DHX35: variants seen among roughly 807,000 people sequenced by gnomAD.
The protein encoded by DHX35 is DEAH-box helicase 35.
In DHX35, 84 loss-of-function variants were observed where a neutral mutation model predicts 99.6. The ratio of observed to expected loss-of-function variants is 0.84; its 90% confidence interval spans 0.71 to 1.01. DHX35 has a LOEUF of 1.01. Among genes scored for constraint, DHX35 ranks in the 50% least tolerant of loss-of-function variants. The pLI, the probability that DHX35 is intolerant of heterozygous loss-of-function variation, is 0.00. For synonymous variants in DHX35, 331 were observed against 316.2 expected (o/e 1.05, Z -0.50); for missense variants, 852 against 888.5 (o/e 0.96, Z 0.52).
chr20:38,978,198 TGTTAC>T lies in DHX35; in HGVS notation c.268-5500_268-5496del, dbSNP rs1208566640. On this transcript the variant is annotated intron_variant, in intron 3 of 21. Coordinates refer to ENST00000252011, the MANE Select transcript of DHX35 (RefSeq NM_021931.4). ...GTACAGACATTTTCAAAGTTGCCAG[TGTTAC>T]TTTAATTGGACTGCCTTCGTAATTC... The T allele has an allele frequency of 1.3e-5, 14 of 1,048,132 alleles. No individual in the cohort carries two copies. The African/African-American group carries it at 2.2e-4, about 16-fold the overall frequency. The allele number at this position is 1,048,132 out of a possible 1,614,324, so 64.9% of individuals were successfully genotyped here.
At position 39,018,834 on chromosome 20, in the gene DHX35, C is replaced by A. The variant is rs762505424; in HGVS notation, c.1433C>A (p.Pro478Gln). ...GLDKDCRLTE[P>Q]LGMRIAEFPL... ...GACAAAGACTGTCGCCTAACTGAAC[C>A]GCTTGGCATGAGAATTGCAGAGTTT... is the stretch of plus-strand genomic sequence containing the variant. The change falls in exon 15 of 22, where the codon CCG (proline) becomes CAG (glutamine). Residue 478 changes from proline (P) to glutamine (Q), a missense_variant. Physicochemically the swap from Pro to Gln is moderately conservative, Grantham distance 76. Coordinates refer to ENST00000252011, the MANE Select transcript of DHX35 (RefSeq NM_021931.4). The A allele has an allele frequency of 6.2e-7, 1 of 1,613,866 alleles. No individual in the cohort carries two copies. The highest frequency in any genetic ancestry group is 2.2e-5 in the East Asian group (1 of 44,868).
intron 9 of DHX35, 113 bp from the exon 10 acceptor site, chr20:39,002,659 A>G: frequency 3.9e-6 from 3 of 775,128 alleles, no homozygotes; most frequent in East Asian, 2.7e-5. Context: ...CTAATTACCT[A>G]CTGGGCAGGC....
intron 1 of DHX35, among the ~76,000 whole-genome samples, 186 bp from the exon 2 acceptor site, chr20:38,968,895 G>C (rs2085950307): frequency 6.6e-6 from 1 of 152,206 alleles, no homozygotes; most frequent in Non-Finnish European, 1.5e-5. Flanking sequence ...TTTTAGGGAA[G>C]ATTTTTAGTT....
chr20:39,015,661 CT>C lies in DHX35; in HGVS notation c.1402+736del, dbSNP rs1218180854. Among the ~76,000 whole-genome samples, 4 of 151,046 alleles carry C rather than the reference CT, an allele frequency of 2.6e-5. No homozygotes were observed. In the East Asian group the frequency reaches 5.8e-4, roughly 22 times the overall value. The stretch of plus-strand genomic sequence containing the variant: ...TTTTTGAGATTTATTTTGAGTGTTA[CT>C]TTTTTTTTAAGTAGCTGTATTGAAG... On this transcript the variant is annotated intron_variant, in intron 14 of 21. Transcript: ENST00000252011.
intron 19 of DHX35, chr20:39,029,287 TG>T (rs2087007397): frequency 6.6e-6 from 1 of 152,148 alleles, no homozygotes; most frequent in African/African-American, 2.4e-5. Flanking sequence ...TGTATTATTT[TG>T]TCATTAATTT....
At chr20:39,001,635 T>C in intron 8 of DHX35, 95 bp from the exon 9 acceptor site, 4 of 904,480 alleles carry the variant, frequency 4.4e-6, no homozygotes, top group Non-Finnish European at 6.8e-6. Context: ...GCTACTCACC[T>C]GTCTTTGGCA....
At chr20:38,975,547 A>G (rs756768352) in intron 3 of DHX35, among the ~76,000 whole-genome samples, 1 of 152,224 alleles carries the variant, frequency 6.6e-6, no homozygotes, top group Non-Finnish European at 1.5e-5. Flanking sequence ...AGGTTATGGA[A>G]TATAGAACAG....
At chr20:38,984,895 CTT>C (rs552878621) in intron 4 of DHX35, among the ~76,000 whole-genome samples, 6 of 137,482 alleles carry the variant, frequency 4.4e-5, no homozygotes, top group African/African-American at 5.3e-5. Context: ...TATCATTCAG[CTT>C]TTTTTTTTTT....
intron 13 of DHX35, among the ~76,000 whole-genome samples, chr20:39,014,632 G>A (rs2086753616): frequency 6.6e-6 from 1 of 152,114 alleles, no homozygotes; most frequent in Non-Finnish European, 1.5e-5. Flanking sequence ...TCTGATGGAG[G>A]GGAGGATGAG....
chr20:39,025,373 G>C lies in DHX35; in HGVS notation c.1801+14G>C, dbSNP rs764973362. ...AGTCTAGTGAAGGTGAGAAGAAACC[G>C]TCCCAGCTGGTGACCTCCCTTGCTT... is the stretch of plus-strand genomic sequence containing the variant. On this transcript the variant is annotated intron_variant, in intron 18 of 21. Transcript: ENST00000252011. 1 of 1,611,062 alleles carries C rather than the reference G, an allele frequency of 6.2e-7. No individual in the cohort carries two copies. Among genetic ancestry groups the C allele is most frequent in the Non-Finnish European group, 8.5e-7 (1 of 1,178,418 alleles).
intron 1 of DHX35, among the ~76,000 whole-genome samples, chr20:38,966,875 G>A (rs184030210): frequency 1.3e-5 from 2 of 152,294 alleles, no homozygotes; most frequent in African/African-American, 4.8e-5. Flanking sequence ...ACAATTACAA[G>A]GAATTATTAA....
intron 6 of DHX35, 62 bp downstream of exon 6, chr20:38,991,577 G>T: frequency 6.7e-7 from 1 of 1,482,540 alleles, no homozygotes. Flanking sequence ...AGACGGAGAA[G>T]CAGGTGTGTT....
chr20:38,962,519 C>A, intron 1 of DHX35, 112 bp downstream of exon 1: 1 of 1,351,352 alleles, frequency 7.4e-7, no homozygotes, highest in Non-Finnish European at 1.0e-6. Context: ...CCTCGGCGAG[C>A]TGGGCGCTGC....
intron 12 of DHX35, among the ~76,000 whole-genome samples, chr20:39,008,911 G>A (rs2086658826): frequency 6.6e-6 from 1 of 152,064 alleles, no homozygotes; most frequent in African/African-American, 2.4e-5. Context: ...CCTTCCCTGA[G>A]CCTCCATTTC....
chr20:39,032,739 A>T (rs1459633124), intron 20 of DHX35, among the ~76,000 whole-genome samples: 1 of 152,170 alleles, frequency 6.6e-6, no homozygotes, highest in East Asian at 1.9e-4. Flanking sequence ...CAGAAACTGG[A>T]CTAGGGCCTA....
At chr20:39,020,119 T>TA (rs1323209367) in intron 15 of DHX35, among the ~76,000 whole-genome samples, 1 of 152,260 alleles carries the variant, frequency 6.6e-6, no homozygotes, top group Non-Finnish European at 1.5e-5. Flanking sequence ...CATATTTATA[T>TA]AAACCACATT....
At chr20:39,028,364 G>A (rs1205557587) in intron 18 of DHX35, 54 bp from the exon 19 acceptor site, 27 of 1,562,752 alleles carry the variant, frequency 1.7e-5, no homozygotes, top group Non-Finnish European at 2.4e-5. Flanking sequence ...TAGAGCACAC[G>A]GAGCCTAGGG....
intron 18 of DHX35, among the ~76,000 whole-genome samples, chr20:39,027,706 GAAA>G (rs763900872): frequency 6.6e-6 from 1 of 151,774 alleles, no homozygotes; most frequent in Non-Finnish European, 1.5e-5. Flanking sequence ...TGTCACCAAA[GAAA>G]AAAAATGCTG....
At chr20:39,019,042 A>T in intron 15 of DHX35, 143 bp downstream of exon 15, 1 of 721,446 alleles carries the variant, frequency 1.4e-6, no homozygotes, top group Non-Finnish European at 2.3e-6. Context: ...TATTGTTTTA[A>T]CCATTTTATG....
Sources: allele counts gnomAD v4.1 joint callset (sites outside exome capture counted in the v4.1 genomes callset), GRCh38; gene constraint gnomAD v4.1.1; transcripts MANE v1.5; gene names NCBI Gene and HGNC (gene_info 2026-07-23, HGNC 2026-07-21).